Variants in ARMH4 observed in about 807,000 individuals in gnomAD.
ARMH4 encodes the protein armadillo like helical domain containing 4, also known as armadillo-like helical domain-containing protein 4.
Under a neutral mutation model 61.9 loss-of-function variants are expected in ARMH4, and 49 were observed. That is an observed-to-expected ratio of 0.79 (90% confidence interval 0.63 to 1.00). ARMH4 has a LOEUF of 1.00. Among genes scored for constraint, ARMH4 ranks in the 50% least tolerant of loss-of-function variants. The probability of loss-of-function intolerance (pLI) is 0.00; values close to 1 mark genes in which losing one functional copy is unlikely to be tolerated. For synonymous variants in ARMH4, 368 were observed against 341.5 expected, an observed-to-expected ratio of 1.08 and a Z score of -0.85; for missense variants, 934 against 930.0, an observed-to-expected ratio of 1.00 and a Z score of -0.06.
chr14:58,067,113 T>G (rs1884729918), intron 5 of ARMH4, among the ~76,000 whole-genome samples: 1 of 152,230 alleles, frequency 6.6e-6, no homozygotes, highest in African/African-American at 2.4e-5. Flanking sequence ...ACTTTTGAAA[T>G]ACAGCAGGAT....
At chr14:58,095,729 T>G (rs570004450) in intron 5 of ARMH4, among the ~76,000 whole-genome samples, 170 of 152,316 alleles carry the variant, frequency 1.1e-3, no homozygotes, top group African/African-American at 3.5e-3. Context: ...TATGCCAATC[T>G]ATAGAGTGCA....
rs562986286 is a variant in ARMH4, at chr14:58,148,189, G to A, written c.-57+3886C>T. On this transcript the variant is annotated intron_variant, in intron 1 of 7. Coordinates refer to ENST00000267485, the MANE Select transcript of ARMH4 (RefSeq NM_001001872.4). ...AGCCTCCCGAGTAGCTAGGATAACA[G>A]GCATGTGCCACCACACCCGGCTAAT... 1.7e-4 allele frequency among the ~76,000 whole-genome samples: 26 copies of A among 152,268 alleles called. No individual in the cohort carries two copies. The South Asian group carries it at 5.2e-3, about 30-fold the overall frequency.
rs374335301 is a variant in ARMH4 at position 58,093,570 on chromosome 14, G to A, written c.2089+3154C>T. ...ATTTATTCACAGGTTCCAGATGTTA[G>A]GACATAGACATCTTCGGGGAGCCAT... On this transcript the variant is annotated intron_variant, in intron 5 of 7. Transcript: ENST00000267485. Among the ~76,000 whole-genome samples the A allele has an allele frequency of 2.0e-3, 309 of 152,266 alleles. 14 individuals carry two copies. The South Asian group carries it at 0.062, about 30-fold the overall frequency.
In ARMH4 at chr14:58,002,398, CCA is replaced by C. The variant is rs1222220757; in HGVS notation, c.*2336_*2337del. 2 of 152,096 alleles carry C rather than the reference CCA, an allele frequency of 1.3e-5. No individual in the cohort carries two copies. The highest frequency in any genetic ancestry group is 2.9e-5 in the Non-Finnish European group (2 of 68,028). The allele number at this position is 152,096 out of a possible 1,614,324, so 9.4% of individuals were successfully genotyped here. A position where few individuals can be genotyped will look rare whatever the true frequency, so the allele number is the denominator to read the frequency against. On this transcript the variant is annotated 3_prime_UTR_variant, in exon 8 of 8. Transcript: ENST00000267485. The stretch of plus-strand genomic sequence containing the variant: ...AAGAAATCATGTGTCCCAAAAAGGA[CCA>C]CAGAGATACTGTGTTAAGCCAAAAT...
intron 5 of ARMH4, among the ~76,000 whole-genome samples, chr14:58,018,204 C>T (rs71414181): frequency 0.011 from 1,637 of 152,156 alleles, 31 homozygotes; most frequent in East Asian, 0.08. Flanking sequence ...CTTTATGACA[C>T]TGGACATGGC....
chr14:58,099,583 A>G (rs1054815046), intron 4 of ARMH4, among the ~76,000 whole-genome samples: 3 of 152,234 alleles, frequency 2.0e-5, no homozygotes, highest in East Asian at 3.8e-4. Flanking sequence ...AAGAAGACAC[A>G]ACAAACAAAC....
intron 6 of ARMH4, among the ~76,000 whole-genome samples, chr14:58,010,346 A>C (rs762195135): frequency 3.9e-5 from 6 of 152,190 alleles, no homozygotes; most frequent in Non-Finnish European, 7.3e-5. Flanking sequence ...AGATATATGT[A>C]CATATGTGTG....
intron 5 of ARMH4, among the ~76,000 whole-genome samples, chr14:58,067,811 A>G (rs1230125948): frequency 6.6e-6 from 1 of 152,238 alleles, no homozygotes; most frequent in Non-Finnish European, 1.5e-5. Flanking sequence ...ACTTGCTTTT[A>G]GGAGGTGATA....
chr14:58,020,235 G>A (rs1230654251), intron 5 of ARMH4, among the ~76,000 whole-genome samples: 1 of 152,182 alleles, frequency 6.6e-6, no homozygotes, highest in Non-Finnish European at 1.5e-5. Context: ...TCACTCTGGG[G>A]AGGGGTGAGG....
At position 58,029,803 on chromosome 14, in the gene ARMH4, C is replaced by CA. The variant is rs1883162406; in HGVS notation, c.2090-17654dup. ...CTGTGGAAAAACCTCAGCTGCTCCT[C>CA]AAAAAGTTAAATAAAATATTGACAT... On this transcript the variant is annotated intron_variant, in intron 5 of 7. Coordinates refer to ENST00000267485, the MANE Select transcript of ARMH4 (RefSeq NM_001001872.4). Among the ~76,000 whole-genome samples the CA allele has an allele frequency of 1.3e-5, 2 of 152,098 alleles. 1 individual carries two copies. Among genetic ancestry groups the CA allele is most frequent in the South Asian group, 4.2e-4 (2 of 4,818 alleles).
chr14:58,010,489 C>A (rs1882367839), intron 6 of ARMH4, among the ~76,000 whole-genome samples: 1 of 151,902 alleles, frequency 6.6e-6, no homozygotes, highest in Admixed American at 6.6e-5. Context: ...ATATGACAGT[C>A]ACTATTGGAA....
chr14:58,067,868 A>C (rs1884754594), intron 5 of ARMH4, among the ~76,000 whole-genome samples: 13 of 152,226 alleles, frequency 8.5e-5, no homozygotes. Flanking sequence ...ATGTAAAATA[A>C]GAAATCCCAA....
rs78947201 is a variant in ARMH4, at chr14:58,118,397, A to T, written c.1831+13115T>A. Among the ~76,000 whole-genome samples, 755 of 151,650 alleles carry T rather than the reference A, an allele frequency of 5.0e-3. 9 individuals are homozygous for T. Among genetic ancestry groups the T allele is most frequent in the African/African-American group, 0.017 (707 of 41,352 alleles). ...CTAGGAATTAAATGTGTGTCCTTCA[A>T]CCTGTAAACAGGACAGACAGTACGT... On this transcript the variant is annotated intron_variant, in intron 4 of 7. Transcript: ENST00000267485.
chr14:58,026,758 G>A (rs1169341812), intron 5 of ARMH4, among the ~76,000 whole-genome samples: 1 of 152,076 alleles, frequency 6.6e-6, no homozygotes, highest in Non-Finnish European at 1.5e-5. Flanking sequence ...AGCCACTTTA[G>A]CATCAAGACA....
Position 58,120,314 on chromosome 14 carries a change from A to C in ARMH4, c.1831+11198T>G, listed in dbSNP as rs1886683945. Among the ~76,000 whole-genome samples, 3 of 151,992 alleles carry C rather than the reference A, an allele frequency of 2.0e-5. 1 individual carries two copies. The South Asian group carries it at 6.2e-4, about 32-fold the overall frequency. On this transcript the variant is annotated intron_variant, in intron 4 of 7. Coordinates refer to ENST00000267485, the MANE Select transcript of ARMH4 (RefSeq NM_001001872.4). ...CTTCATTATACAGCACATTACTATA[A>C]ATATATACACAAATCTATAACACAA... is the stretch of plus-strand genomic sequence containing the variant.
intron 5 of ARMH4, among the ~76,000 whole-genome samples, chr14:58,016,169 T>G (rs1216748957): frequency 6.6e-6 from 1 of 152,076 alleles, no homozygotes; most frequent in Non-Finnish European, 1.5e-5. Flanking sequence ...GTTTAAATCA[T>G]GTTCACAAAA....
At chr14:58,102,080 G>A (rs942603226) in intron 4 of ARMH4, among the ~76,000 whole-genome samples, 1 of 152,186 alleles carries the variant, frequency 6.6e-6, no homozygotes, top group Non-Finnish European at 1.5e-5. Context: ...CTCACCTCAA[G>A]GTGATAACGT....
At chr14:58,055,020 C>T (rs1884291947) in intron 5 of ARMH4, among the ~76,000 whole-genome samples, 1 of 152,086 alleles carries the variant, frequency 6.6e-6, no homozygotes, top group African/African-American at 2.4e-5. Flanking sequence ...CTCTCCCTTA[C>T]ACCTGGATTT....
chr14:58,140,771 C>T (rs766038680), intron 1 of ARMH4, among the ~76,000 whole-genome samples: 25 of 151,812 alleles, frequency 1.6e-4, no homozygotes, highest in Non-Finnish European at 3.2e-4. Flanking sequence ...GGTGTGGTGG[C>T]GGGCATCTGT....
Sources: gnomAD v4.1 joint callset for allele counts (sites outside exome capture counted in the v4.1 genomes callset) on GRCh38, gnomAD v4.1.1 for gene constraint, MANE v1.5 for transcripts, NCBI Gene and HGNC (gene_info 2026-07-23, HGNC 2026-07-21) for gene names.